PDK1: variants seen among roughly 807,000 people sequenced by gnomAD.
PDK1 encodes [Pyruvate dehydrogenase (acetyl-transferring)] kinase isozyme 1, mitochondrial.
PDK1 carries 39 observed loss-of-function variants against 54.2 expected under a neutral mutation model. The observed-to-expected ratio is 0.72, with a 90% CI of 0.56 to 0.94. The LOEUF (loss-of-function observed/expected upper bound fraction) is 0.94. Among genes scored for constraint, PDK1 ranks in the 40% least tolerant of loss-of-function variants. PDK1 has a pLI of 0.00. For synonymous variants in PDK1, 221 were observed against 207.1 expected (o/e 1.07, Z -0.58); for missense variants, 552 against 566.0 (o/e 0.98, Z 0.25).
chr2:172,640,624 T>C, the PDK1 span, among the ~76,000 whole-genome samples: 1 of 152,246 alleles, frequency 6.6e-6, no homozygotes, highest in Non-Finnish European at 1.5e-5. Flanking sequence ...CACAGGGATG[T>C]GCTTGGAGCA....
At chr2:172,695,228 T>C in the PDK1 span, among the ~76,000 whole-genome samples, 6 of 152,316 alleles carry the variant, frequency 3.9e-5, no homozygotes, top group East Asian at 3.9e-4. Context: ...TTTTATTATA[T>C]GTTATTTTGC....
the PDK1 span, among the ~76,000 whole-genome samples, chr2:172,707,414 G>A: frequency 0.18 from 27,461 of 152,100 alleles, 2,880 homozygotes; most frequent in African/African-American, 0.29. Context: ...AGTGGAAATC[G>A]TCTGAAAGTT....
intron 8 of PDK1, among the ~76,000 whole-genome samples, chr2:172,577,853 G>C (rs1203815725): frequency 6.6e-6 from 1 of 152,074 alleles, no homozygotes; most frequent in Non-Finnish European, 1.5e-5. Context: ...CACAAAAAGA[G>C]TTACAAACAA....
chr2:172,695,422 G>C, the PDK1 span, among the ~76,000 whole-genome samples: 2 of 152,176 alleles, frequency 1.3e-5, no homozygotes, highest in African/African-American at 4.8e-5. Context: ...ATAGGGTAGA[G>C]ATTACAATTC....
At chr2:172,680,159 G>A in the PDK1 span, among the ~76,000 whole-genome samples, 14 of 152,188 alleles carry the variant, frequency 9.2e-5, no homozygotes, top group African/African-American at 3.4e-4. Context: ...TGCATGCTCT[G>A]TCACAGTCTT....
the PDK1 span, chr2:172,679,150 C>T: frequency 6.6e-6 from 1 of 152,122 alleles, no homozygotes; most frequent in Admixed American, 6.6e-5. Flanking sequence ...TTTTTATTCT[C>T]AAAGAAAATT....
the PDK1 span, among the ~76,000 whole-genome samples, chr2:172,704,521 C>T: frequency 1.3e-5 from 2 of 152,122 alleles, no homozygotes; most frequent in Non-Finnish European, 2.9e-5. Flanking sequence ...TTCAGGAGAG[C>T]CCACAAGAGG....
the PDK1 span, among the ~76,000 whole-genome samples, chr2:172,643,685 C>A: frequency 6.6e-6 from 1 of 152,066 alleles, no homozygotes; most frequent in Non-Finnish European, 1.5e-5. Flanking sequence ...CTGGAATGTC[C>A]ACATTCATGT....
At chr2:172,591,504 C>T (rs991506479) in intron 9 of PDK1, among the ~76,000 whole-genome samples, 4 of 152,118 alleles carry the variant, frequency 2.6e-5, no homozygotes, top group East Asian at 1.9e-4. Context: ...GGATAGATTT[C>T]GTTATTTCTT....
intron 10 of PDK1, among the ~76,000 whole-genome samples, chr2:172,593,917 G>A (rs781502044): frequency 1.3e-5 from 2 of 149,606 alleles, no homozygotes; most frequent in Non-Finnish European, 3.0e-5. Context: ...TATAGGAAAT[G>A]TTGAAGAATT....
At chr2:172,644,518 T>TTAG in the PDK1 span, among the ~76,000 whole-genome samples, 12 of 152,102 alleles carry the variant, frequency 7.9e-5, no homozygotes. Flanking sequence ...GAGTATAGAG[T>TTAG]GTCTAGCACA....
At chr2:172,622,706 A>G in the PDK1 span, among the ~76,000 whole-genome samples, 3 of 117,458 alleles carry the variant, frequency 2.6e-5, no homozygotes, top group African/African-American at 8.9e-5. Context: ...TATATCTCAT[A>G]TATTATGTGA....
chr2:172,636,371 G>T, the PDK1 span, among the ~76,000 whole-genome samples: 1 of 152,114 alleles, frequency 6.6e-6, no homozygotes, highest in African/African-American at 2.4e-5. Context: ...GGGAGAGAGA[G>T]GGGGAGGAAG....
the PDK1 span, among the ~76,000 whole-genome samples, chr2:172,690,614 A>G: frequency 0.023 from 3,418 of 150,290 alleles, 154 homozygotes; most frequent in African/African-American, 0.078. Context: ...ATGTCCATCA[A>G]TGATAGACTG....
At chr2:172,656,026 A>G in the PDK1 span, among the ~76,000 whole-genome samples, 1 of 152,172 alleles carries the variant, frequency 6.6e-6, no homozygotes. Context: ...GGATCTTTAT[A>G]GTTTGTCCTC....
chr2:172,661,467 G>A, the PDK1 span, among the ~76,000 whole-genome samples: 1 of 152,134 alleles, frequency 6.6e-6, no homozygotes, highest in Admixed American at 6.5e-5. Flanking sequence ...ACTGCTACAT[G>A]TCCTGCCCAA....
chr2:172,636,720 CAAAA>C, the PDK1 span, among the ~76,000 whole-genome samples: 4 of 126,910 alleles, frequency 3.2e-5, no homozygotes, highest in Non-Finnish European at 5.0e-5. Context: ...GACTCCATCT[CAAAA>C]AAAAAAAAAA....
the PDK1 span, among the ~76,000 whole-genome samples, chr2:172,652,143 G>A: frequency 4.6e-5 from 7 of 152,268 alleles, no homozygotes; most frequent in East Asian, 1.2e-3. Flanking sequence ...CTTCATCCCT[G>A]GGATGCAAGG....
the PDK1 span, among the ~76,000 whole-genome samples, chr2:172,642,636 G>A: frequency 6.6e-6 from 1 of 152,226 alleles, no homozygotes; most frequent in Non-Finnish European, 1.5e-5. Flanking sequence ...GAGAGAATGA[G>A]CTGGGCCTAG....
Sources: allele counts gnomAD v4.1 joint callset (sites outside exome capture counted in the v4.1 genomes callset), GRCh38; gene constraint gnomAD v4.1.1; transcripts MANE v1.5; gene names NCBI Gene and HGNC (gene_info 2026-07-23, HGNC 2026-07-21).